Variants in ABCB1 observed in about 807,000 individuals in gnomAD.
ABCB1 encodes the protein ATP binding cassette subfamily B member 1, also known as ATP-dependent translocase ABCB1.
Under a neutral mutation model 142.0 loss-of-function variants are expected in ABCB1, and 69 were observed. The ratio of observed to expected loss-of-function variants is 0.49; its 90% CI spans 0.40 to 0.59. The LOEUF is 0.59. Ranked by LOEUF, ABCB1 falls within the 20% of genes least tolerant of loss-of-function variation. The probability of loss-of-function intolerance (pLI) is 0.00; values close to 1 mark genes in which losing one functional copy is unlikely to be tolerated. For synonymous variants in ABCB1, 532 were observed against 539.2 expected (o/e 0.99, Z 0.18); for missense variants, 1,326 against 1,554.7 (o/e 0.85, Z 2.47).
chr7:87,679,218 A>C (rs1318322929), intron 1 of ABCB1, among the ~76,000 whole-genome samples: 4 of 146,636 alleles, frequency 2.7e-5, no homozygotes, highest in African/African-American at 7.7e-5. Context: ...TCAGCCTCCC[A>C]AGAAGCTGGG....
At chr7:87,568,266 T>TAATAATAATAATAATAATAATAATAATAA (rs377151956) in intron 5 of ABCB1, among the ~76,000 whole-genome samples, 27 of 145,688 alleles carry the variant, frequency 1.9e-4, no homozygotes, top group African/African-American at 6.7e-4. Context: ...ATAATAATAA[T>TAATAATAATAATAATAATAATAATAATAA]AAAAATTAGC....
At position 87,545,890 on chromosome 7, in the gene ABCB1, G is replaced by T. The variant is rs762667248; in HGVS notation, c.1860C>A (p.Gly620=). Residue 620 remains glycine (G), a synonymous_variant, in exon 15 of 28, where the codon GGC becomes GGA. Transcript: ENST00000622132. ...GCATTGTGACAAGTTTGAAGTAAAT[G>T]CCTTTCTCTTTCATGAGTTCATCAT... ...GNHDELMKEK[G]IYFKLVTMQT... The T allele has an allele frequency of 3.7e-6, 6 of 1,614,028 alleles. No homozygotes were observed. In the African/African-American group the frequency reaches 5.3e-5, roughly 14 times the overall value.
intron 1 of ABCB1, among the ~76,000 whole-genome samples, chr7:87,615,135 C>G (rs1249078068): frequency 6.6e-6 from 1 of 152,184 alleles, no homozygotes. Flanking sequence ...CTGCGCCCAG[C>G]CTTGCCTTTT....
At chr7:87,506,252 AGAT>A (rs2117059278) in intron 26 of ABCB1, 2 of 574,102 alleles carry the variant, frequency 3.5e-6, no homozygotes, top group African/African-American at 1.9e-5. Context: ...TTGGGCCTTA[AGAT>A]GATATGTTTT....
intron 19 of ABCB1, among the ~76,000 whole-genome samples, chr7:87,538,754 A>G (rs1816400701): frequency 6.6e-6 from 1 of 152,194 alleles, no homozygotes; most frequent in Non-Finnish European, 1.5e-5. Context: ...TGTGAGAAGC[A>G]TTCCATTAAA....
chr7:87,629,016 C>T, intron 1 of ABCB1: 1 of 1,262,308 alleles, frequency 7.9e-7, no homozygotes. Flanking sequence ...CGCGCGGGTC[C>T]TTGGGGGTCC....
intron 4 of ABCB1, among the ~76,000 whole-genome samples, chr7:87,574,104 C>T (rs1476432442): frequency 1.3e-5 from 2 of 152,138 alleles, no homozygotes; most frequent in Admixed American, 6.5e-5. Context: ...CTGCCTCCTT[C>T]CACCTAAGCA....
Position 87,559,563 on chromosome 7 carries a change from T to C in ABCB1, c.827+1700A>G, listed in dbSNP as rs557204023. On this transcript the variant is annotated intron_variant, in intron 8 of 27. Coordinates refer to ENST00000622132, the MANE Select transcript of ABCB1 (RefSeq NM_001348946.2). ...TTAAATTAATTTTTGCTCTTACCCT[T>C]ATTATTTCCTTCTAATATTTTATTT... Among the ~76,000 whole-genome samples the C allele has an allele frequency of 3.9e-5, 6 of 152,272 alleles. No individual in the cohort carries two copies. In the South Asian group the frequency reaches 1.2e-3, roughly 32 times the overall value.
chr7:87,667,669 A>G (rs1825400370), intron 1 of ABCB1, among the ~76,000 whole-genome samples: 1 of 152,070 alleles, frequency 6.6e-6, no homozygotes, highest in Non-Finnish European at 1.5e-5. Context: ...TTCAATACCT[A>G]GTTCACTGAG....
At chr7:87,613,876 C>T (rs1327840185) in intron 1 of ABCB1, among the ~76,000 whole-genome samples, 1 of 152,098 alleles carries the variant, frequency 6.6e-6, no homozygotes, top group Admixed American at 6.6e-5. Context: ...AAATACTTCC[C>T]TTAGCCATAA....
Position 87,565,567 on chromosome 7 carries a change from G to A in ABCB1, c.702+503C>T, listed in dbSNP as rs533464950. ...ATTTTATAACCAAAAATTTAACTGT[G>A]TTTGAATGCTGACAAAACTGTAAAA... On this transcript the variant is annotated intron_variant, in intron 7 of 27. Coordinates refer to ENST00000622132, the MANE Select transcript of ABCB1 (RefSeq NM_001348946.2). 159 of 390,980 alleles carry A rather than the reference G, an allele frequency of 4.1e-4. 3 individuals are homozygous for A. The highest frequency in any genetic ancestry group is 2.8e-3 in the South Asian group (155 of 54,808). The allele number at this position is 390,980 out of a possible 1,614,324, so 24.2% of individuals were successfully genotyped here.
chr7:87,557,906 C>A (rs554276546), intron 8 of ABCB1, among the ~76,000 whole-genome samples: 97 of 152,236 alleles, frequency 6.4e-4, no homozygotes, highest in Non-Finnish European at 1.2e-3. Flanking sequence ...GGTATTCTGT[C>A]ATTTTATAAA....
chr7:87,550,836 T>G lies in ABCB1; in HGVS notation c.1002A>C (p.Val334=). Residue 334 remains valine (V), a splice_region_variant and synonymous_variant, in exon 10 of 28, where the codon GTA becomes GTC. Transcript: ENST00000622132. Reference sequence around the variant, plus strand: ...AAGCCCCAATTAATACAGAAAAGAATACCTGAGGAATGTGAAGAAAAACCA... The same window carrying G: ...AAGCCCCAATTAATACAGAAAAGAAGACCTGAGGAATGTGAAGAAAAACCA... ...GEYSIGQVLT[V]FFSVLIGAFS... The G allele has an allele frequency of 6.3e-7, 1 of 1,592,330 alleles. No homozygotes were observed. Among genetic ancestry groups the G allele is most frequent in the Non-Finnish European group, 8.6e-7 (1 of 1,160,206 alleles).
rs1814603059 is a variant in ABCB1, at chr7:87,504,016, TTC to T, written c.*225_*226del. The T allele has an allele frequency of 3.4e-6, 2 of 592,904 alleles. No homozygotes were observed. The highest frequency in any genetic ancestry group is 2.1e-5 in the South Asian group (1 of 46,784). 36.7% of individuals were successfully genotyped at this position (592,904 alleles called of 1,614,324 possible). On this transcript the variant is annotated 3_prime_UTR_variant, in exon 28 of 28. Transcript: ENST00000622132. ...TTTTATCTTTTAAAATCTACTTTAA[TTC>T]TGTTATAAAATTTATAATGCAGTTT... is the stretch of plus-strand genomic sequence containing the variant.
At chr7:87,621,273 C>G (rs1326065405) in intron 1 of ABCB1, among the ~76,000 whole-genome samples, 1 of 151,986 alleles carries the variant, frequency 6.6e-6, no homozygotes, top group Admixed American at 6.6e-5. Context: ...CCAGGCTTTG[C>G]CACTTATTAG....
At chr7:87,506,833 C>T (rs1005159545) in intron 26 of ABCB1, among the ~76,000 whole-genome samples, 1 of 152,194 alleles carries the variant, frequency 6.6e-6, no homozygotes, top group Non-Finnish European at 1.5e-5. Context: ...CTATATCTGG[C>T]AACCCTAGTT....
intron 18 of ABCB1, among the ~76,000 whole-genome samples, chr7:87,539,731 C>T (rs752884111): frequency 6.6e-6 from 1 of 152,184 alleles, no homozygotes; most frequent in Non-Finnish European, 1.5e-5. Flanking sequence ...CATCTTTAGG[C>T]ATTTTGCTAT....
At chr7:87,566,707 A>C (rs1817796247) in intron 6 of ABCB1, 78 bp downstream of exon 6, 1 of 1,398,366 alleles carries the variant, frequency 7.2e-7, no homozygotes, top group Non-Finnish European at 1.0e-6. Flanking sequence ...AACACCTCCT[A>C]ACAGATGTGA....
At chr7:87,542,691 T>C (rs933514186) in intron 17 of ABCB1, among the ~76,000 whole-genome samples, 43 of 150,988 alleles carry the variant, frequency 2.8e-4, no homozygotes, top group African/African-American at 1.0e-3. Flanking sequence ...CACCACAGTC[T>C]ACCCCCGCCA....
Sources: allele counts gnomAD v4.1 joint callset (sites outside exome capture counted in the v4.1 genomes callset), GRCh38; gene constraint gnomAD v4.1.1; transcripts MANE v1.5; gene names NCBI Gene and HGNC (gene_info 2026-07-23, HGNC 2026-07-21).